The following B4GALT6 variants were observed in gnomAD, a reference collection of about 807,000 sequenced individuals.
B4GALT6 encodes beta-1,4-galactosyltransferase 6.
A neutral mutation model predicts 46.3 loss-of-function variants in B4GALT6; 14 were observed. That is an observed-to-expected ratio of 0.30 (90% confidence interval 0.20 to 0.47). The LOEUF (loss-of-function observed/expected upper bound fraction) is 0.47, where lower values mean the gene tolerates loss of function less well. B4GALT6 is among the 20% of genes least tolerant of loss of function. The pLI is 0.99. For missense variants in B4GALT6, 386 were observed against 480.1 expected (o/e 0.80, Z 1.83); for synonymous variants, 168 against 162.0 (o/e 1.04, Z -0.28).
At chr18:31,678,371 CAT>C (rs1244135762) in intron 1 of B4GALT6, among the ~76,000 whole-genome samples, 1 of 152,092 alleles carries the variant, frequency 6.6e-6, no homozygotes, top group African/African-American at 2.4e-5. Flanking sequence ...AACTCTGCCT[CAT>C]TGTAATTACC....
intron 1 of B4GALT6, among the ~76,000 whole-genome samples, chr18:31,674,701 G>A (rs1427204617): frequency 6.6e-6 from 1 of 152,066 alleles, no homozygotes; most frequent in African/African-American, 2.4e-5. Flanking sequence ...GTGGGTAAAG[G>A]AAAATATGTT....
intron 4 of B4GALT6, among the ~76,000 whole-genome samples, chr18:31,643,986 G>T (rs995615205): frequency 1.3e-5 from 2 of 152,110 alleles, no homozygotes; most frequent in African/African-American, 4.8e-5. Context: ...TAATTTATGT[G>T]CCCAGGCTAT....
intron 1 of B4GALT6, among the ~76,000 whole-genome samples, chr18:31,682,026 G>A (rs1268751065): frequency 6.6e-6 from 1 of 152,152 alleles, no homozygotes; most frequent in Non-Finnish European, 1.5e-5. Flanking sequence ...TAAGAAATCT[G>A]AAGCACTTGT....
the B4GALT6 span, among the ~76,000 whole-genome samples, chr18:31,715,384 C>T: frequency 6.6e-6 from 1 of 151,916 alleles, no homozygotes; most frequent in African/African-American, 2.4e-5. Flanking sequence ...TACCAGCACA[C>T]CTGGCTGATT....
the B4GALT6 span, among the ~76,000 whole-genome samples, chr18:31,709,820 T>C: frequency 6.6e-6 from 1 of 151,890 alleles, no homozygotes; most frequent in Admixed American, 6.6e-5. Context: ...TGGCCAGGTG[T>C]GGTGGCTCAC....
At chr18:31,668,948 T>A (rs1598919475) in intron 1 of B4GALT6, among the ~76,000 whole-genome samples, 1 of 151,410 alleles carries the variant, frequency 6.6e-6, no homozygotes, top group Non-Finnish European at 1.5e-5. Flanking sequence ...GAGGCAGAGG[T>A]TACAGTGAGC....
At chr18:31,653,741 C>T (rs1281797554) in intron 3 of B4GALT6, among the ~76,000 whole-genome samples, 2 of 152,046 alleles carry the variant, frequency 1.3e-5, no homozygotes, top group South Asian at 2.1e-4. Flanking sequence ...CCACCACGCC[C>T]GGCCTCATAA....
upstream of B4GALT6, chr18:31,686,562 T>A (rs983603165): frequency 2.0e-5 from 3 of 152,264 alleles, no homozygotes; most frequent in Non-Finnish European, 4.4e-5. Context: ...ATTCATTTTT[T>A]AATATTTTGC....
intron 2 of B4GALT6, among the ~76,000 whole-genome samples, chr18:31,662,577 T>C (rs2074231475): frequency 6.6e-6 from 1 of 152,228 alleles, no homozygotes. Flanking sequence ...GCGTAGTGGC[T>C]CATGCCTGTA....
At chr18:31,684,061 G>C (rs1310286478) in intron 1 of B4GALT6, among the ~76,000 whole-genome samples, 1 of 152,194 alleles carries the variant, frequency 6.6e-6, no homozygotes, top group Admixed American at 6.5e-5. Context: ...CACTAATTTT[G>C]CTACGTCTAT....
chr18:31,724,395 A>G, the B4GALT6 span: 1 of 1,095,742 alleles, frequency 9.1e-7, no homozygotes, highest in Non-Finnish European at 1.1e-6. Context: ...CCCTGGGGCC[A>G]ACTTAGCCCT....
At chr18:31,669,589 G>T (rs1318903576) in intron 1 of B4GALT6, among the ~76,000 whole-genome samples, 3 of 151,640 alleles carry the variant, frequency 2.0e-5, no homozygotes, top group African/African-American at 4.9e-5. Context: ...TTCATCTTTG[G>T]TAACTACAAA....
chr18:31,656,562 C>T (rs754333411), intron 3 of B4GALT6, among the ~76,000 whole-genome samples: 2 of 151,538 alleles, frequency 1.3e-5, no homozygotes, highest in Non-Finnish European at 2.9e-5. Flanking sequence ...ATCACTACCA[C>T]ATATTACACA....
At chr18:31,705,604 T>G in the B4GALT6 span, among the ~76,000 whole-genome samples, 7 of 152,312 alleles carry the variant, frequency 4.6e-5, no homozygotes, top group East Asian at 1.4e-3. Flanking sequence ...GGCCAGGCTG[T>G]TCTCGAACGC....
upstream of B4GALT6, chr18:31,685,626 C>G (rs2074539932): frequency 6.6e-6 from 1 of 152,540 alleles, no homozygotes. Context: ...GCCGCCCCCG[C>G]CCGCCCGGGG....
upstream of B4GALT6, among the ~76,000 whole-genome samples, chr18:31,688,981 C>T (rs947253306): frequency 1.7e-4 from 26 of 151,998 alleles, no homozygotes; most frequent in African/African-American, 6.3e-4. Context: ...CTTTCTTTAC[C>T]AATTTTGCCT....
chr18:31,699,457 A>G, the B4GALT6 span, among the ~76,000 whole-genome samples: 1 of 151,808 alleles, frequency 6.6e-6, no homozygotes, highest in Admixed American at 6.6e-5. Flanking sequence ...TATCTTTAGT[A>G]GAGACAGGGT....
intron 1 of B4GALT6, among the ~76,000 whole-genome samples, chr18:31,680,241 C>T (rs974204134): frequency 1.3e-5 from 2 of 152,178 alleles, no homozygotes; most frequent in Non-Finnish European, 2.9e-5. Flanking sequence ...CACAGCCAGG[C>T]CCACTTGCCA....
chr18:31,712,495 G>T, the B4GALT6 span, among the ~76,000 whole-genome samples: 20 of 151,756 alleles, frequency 1.3e-4, no homozygotes, highest in Non-Finnish European at 2.4e-4. Flanking sequence ...TAGAGAGGGG[G>T]TTTCACTTTG....
Sources: gnomAD v4.1 joint callset for allele counts (sites outside exome capture counted in the v4.1 genomes callset) on GRCh38, gnomAD v4.1.1 for gene constraint, MANE v1.5 for transcripts, NCBI Gene and HGNC (gene_info 2026-07-23, HGNC 2026-07-21) for gene names.